Variants in HACE1 observed in about 807,000 individuals in gnomAD.
HACE1 encodes the protein HECT domain and ankyrin repeat containing E3 ubiquitin protein ligase 1, also known as E3 ubiquitin-protein ligase HACE1.
Under a neutral mutation model 118.4 loss-of-function variants are expected in HACE1, and 73 were observed. The observed-to-expected ratio is 0.62, with a 90% CI of 0.51 to 0.75. The LOEUF (loss-of-function observed/expected upper bound fraction) is 0.75, where lower values mean the gene tolerates loss of function less well. Among genes scored for constraint, HACE1 ranks in the 30% least tolerant of loss-of-function variants. The pLI, the probability that HACE1 is intolerant of heterozygous loss-of-function variation, is 0.00. For synonymous variants in HACE1, 368 were observed against 374.8 expected (o/e 0.98, Z 0.21); for missense variants, 749 against 1,102.2 (o/e 0.68, Z 4.54).
chr6:104,783,002 A>G (rs1392955649), intron 14 of HACE1, among the ~76,000 whole-genome samples: 2 of 152,282 alleles, frequency 1.3e-5, no homozygotes, highest in East Asian at 3.9e-4. Flanking sequence ...CAAACAAAGA[A>G]AATTCTTCAA....
intron 6 of HACE1, among the ~76,000 whole-genome samples, chr6:104,828,418 T>C (rs1184106447): frequency 2.0e-5 from 3 of 152,054 alleles, no homozygotes; most frequent in South Asian, 4.1e-4. Context: ...AGTAAAATTA[T>C]ATCTCCAGTT....
chr6:104,859,611 A>G lies in HACE1; in HGVS notation c.32T>C (p.Leu11Pro). 1 of 1,531,098 alleles carries G rather than the reference A, an allele frequency of 6.5e-7. No homozygotes were observed. Among genetic ancestry groups the G allele is most frequent in the Non-Finnish European group, 8.8e-7 (1 of 1,142,812 alleles). 94.8% of individuals were successfully genotyped at this position (1,531,098 alleles called of 1,614,324 possible). Residue 11 changes from leucine (L) to proline (P), a missense_variant, in exon 1 of 24, where the codon CTG becomes CCG. Physicochemically the swap from Leu to Pro is moderately conservative, Grantham distance 98. Transcript: ENST00000262903. MERAMEQLNR[L>P]TRSLRRARTV... ...GCGCGCGCGGCGCAGCGAGCGCGTCAGGCGGTTGAGTTGCTCCATCGCTCT... is the reference window on the plus strand; with the variant it reads ...GCGCGCGCGGCGCAGCGAGCGCGTCGGGCGGTTGAGTTGCTCCATCGCTCT...
At chr6:104,768,175 TA>T (rs1780210045) in intron 19 of HACE1, among the ~76,000 whole-genome samples, 1 of 152,180 alleles carries the variant, frequency 6.6e-6, no homozygotes, top group Non-Finnish European at 1.5e-5. Flanking sequence ...AGCCTTTTAA[TA>T]AAACTTGGGA....
intron 5 of HACE1, among the ~76,000 whole-genome samples, chr6:104,841,431 G>A (rs552781751): frequency 1.3e-5 from 2 of 152,222 alleles, no homozygotes; most frequent in Admixed American, 1.3e-4. Flanking sequence ...CATTTCTAGG[G>A]TTTCATAACC....
rs564900844 is a variant in HACE1, at chr6:104,802,666, T to C, written c.618-5641A>G. On this transcript the variant is annotated intron_variant, in intron 7 of 23. Coordinates refer to ENST00000262903, the MANE Select transcript of HACE1 (RefSeq NM_020771.4). Reference sequence around the variant, plus strand: ...AAATAAAGATGTTCTTTGAAACCAATGAGAACAAAGACACAACATACCAGA... The same window carrying C: ...AAATAAAGATGTTCTTTGAAACCAACGAGAACAAAGACACAACATACCAGA... Among the ~76,000 whole-genome samples, 3 of 152,158 alleles carry C rather than the reference T, an allele frequency of 2.0e-5. No homozygotes were observed. In the East Asian group the frequency reaches 5.8e-4, roughly 29 times the overall value.
intron 6 of HACE1, chr6:104,824,776 T>G (rs1242130070): frequency 1.3e-5 from 2 of 151,604 alleles, no homozygotes; most frequent in Non-Finnish European, 2.9e-5. Context: ...TGACAAACAT[T>G]TAGAAATGCA....
At chr6:104,820,662 T>G (rs958237279) in intron 6 of HACE1, among the ~76,000 whole-genome samples, 1 of 152,096 alleles carries the variant, frequency 6.6e-6, no homozygotes, top group Non-Finnish European at 1.5e-5. Context: ...CCAGTCAGAA[T>G]GGATATTATT....
At chr6:104,817,831 T>C (rs953425581) in intron 6 of HACE1, among the ~76,000 whole-genome samples, 1 of 152,162 alleles carries the variant, frequency 6.6e-6, no homozygotes, top group African/African-American at 2.4e-5. Flanking sequence ...ATATAACCAA[T>C]ACTGTCTAAT....
chr6:104,787,146 CA>C (rs1055663461), intron 11 of HACE1: 8 of 152,226 alleles, frequency 5.3e-5, no homozygotes, highest in African/African-American at 1.7e-4. Flanking sequence ...ACAAAACCAA[CA>C]AAACCACCAC....
intron 14 of HACE1, chr6:104,782,431 T>C (rs548153378): frequency 6.6e-6 from 1 of 152,302 alleles, no homozygotes; most frequent in Non-Finnish European, 1.5e-5. Context: ...GACGTTGCAG[T>C]GAGCTCAGAT....
intron 6 of HACE1, among the ~76,000 whole-genome samples, chr6:104,827,852 C>T (rs1459244631): frequency 6.6e-6 from 1 of 151,994 alleles, no homozygotes; most frequent in Non-Finnish European, 1.5e-5. Context: ...CTAATATAGT[C>T]TATTATACTA....
At chr6:104,742,880 T>C (rs372058934) in intron 22 of HACE1, among the ~76,000 whole-genome samples, 5 of 152,016 alleles carry the variant, frequency 3.3e-5, no homozygotes, top group African/African-American at 7.2e-5. Flanking sequence ...TATTGCGGCA[T>C]TATTCACAAT....
intron 6 of HACE1, among the ~76,000 whole-genome samples, chr6:104,817,266 A>C (rs1263401257): frequency 6.6e-6 from 1 of 152,142 alleles, no homozygotes; most frequent in Non-Finnish European, 1.5e-5. Context: ...ATCTCACGTC[A>C]AATTGGAAGA....
At chr6:104,793,498 G>A (rs958761225) in intron 10 of HACE1, among the ~76,000 whole-genome samples, 3 of 152,098 alleles carry the variant, frequency 2.0e-5, no homozygotes, top group African/African-American at 7.2e-5. Context: ...AAACGCCTCA[G>A]TAAATGTTTA....
chr6:104,760,791 G>C (rs1254802353), intron 19 of HACE1, among the ~76,000 whole-genome samples: 2 of 152,168 alleles, frequency 1.3e-5, no homozygotes, highest in Non-Finnish European at 2.9e-5. Flanking sequence ...TGTGTATTTA[G>C]AACACCCCAT....
Position 104,729,321 on chromosome 6 carries a change from T to C in HACE1, c.*341A>G, listed in dbSNP as rs996473965. 1 of 259,218 alleles carries C rather than the reference T, an allele frequency of 3.9e-6. No individual in the cohort carries two copies. Among genetic ancestry groups the C allele is most frequent in the African/African-American group, 2.3e-5 (1 of 43,756 alleles). The allele number at this position is 259,218 out of a possible 1,614,324, so 16.1% of individuals were successfully genotyped here. A position where few individuals can be genotyped will look rare whatever the true frequency, so the allele number is the denominator to read the frequency against. On this transcript the variant is annotated 3_prime_UTR_variant, in exon 24 of 24. Transcript: ENST00000262903. Reference sequence around the variant, plus strand: ...CAGAAATTAGGAGAAAACACCCTTTTAACAAGACAGTTACATAGCAGAGGT... The same window carrying C: ...CAGAAATTAGGAGAAAACACCCTTTCAACAAGACAGTTACATAGCAGAGGT...
At chr6:104,795,531 C>A in intron 10 of HACE1, 48 bp downstream of exon 10, 1 of 1,054,826 alleles carries the variant, frequency 9.5e-7, no homozygotes, top group South Asian at 1.3e-5. Context: ...GAGGTGAAGC[C>A]AACAGACACT....
At chr6:104,833,829 C>CA (rs1367912113) in intron 5 of HACE1, among the ~76,000 whole-genome samples, 2 of 152,044 alleles carry the variant, frequency 1.3e-5, no homozygotes, top group African/African-American at 4.8e-5. Context: ...TACTAAAATA[C>CA]AAAAAATTAG....
At chr6:104,792,513 T>G (rs896252051) in intron 10 of HACE1, among the ~76,000 whole-genome samples, 3 of 152,192 alleles carry the variant, frequency 2.0e-5, no homozygotes, top group Non-Finnish European at 4.4e-5. Flanking sequence ...GTGGTTTTAT[T>G]TTGAAATCTC....
Sources: allele counts gnomAD v4.1 joint callset (sites outside exome capture counted in the v4.1 genomes callset), GRCh38; gene constraint gnomAD v4.1.1; transcripts MANE v1.5; gene names NCBI Gene and HGNC (gene_info 2026-07-23, HGNC 2026-07-21).